Variants in MAML1 observed in about 807,000 individuals in gnomAD.
MAML1 encodes the protein mastermind like transcriptional coactivator 1.
A neutral mutation model predicts 77.1 loss-of-function variants in MAML1; 14 were observed. The ratio of observed to expected loss-of-function variants is 0.18; its 90% confidence interval spans 0.12 to 0.28. MAML1 has a LOEUF of 0.28. Among genes scored for constraint, MAML1 ranks in the 10% least tolerant of loss-of-function variants. The pLI is 1.00. For synonymous variants in MAML1, 516 were observed against 551.9 expected, an observed-to-expected ratio of 0.93 and a Z score of 0.91; for missense variants, 1,217 against 1,327.8, an observed-to-expected ratio of 0.92 and a Z score of 1.30.
At chr5:179,733,637 A>G (rs550625024) in intron 1 of MAML1, among the ~76,000 whole-genome samples, 273 of 152,328 alleles carry the variant, frequency 1.8e-3, no homozygotes, top group South Asian at 0.013. Context: ...CAGCGCCTTG[A>G]GGGCCTTGCA....
intron 1 of MAML1, among the ~76,000 whole-genome samples, chr5:179,752,868 G>A (rs1779522400): frequency 6.6e-6 from 1 of 152,134 alleles, no homozygotes; most frequent in Non-Finnish European, 1.5e-5. Context: ...CCATCTTCCA[G>A]ATTCAAGTGA....
intron 4 of MAML1, among the ~76,000 whole-genome samples, chr5:179,772,555 A>C (rs1013118136): frequency 6.6e-6 from 1 of 152,196 alleles, no homozygotes; most frequent in Non-Finnish European, 1.5e-5. Flanking sequence ...TGCTTAAGCC[A>C]GGAGGCCTAG....
In MAML1 at chr5:179,765,710, T is replaced by C; in HGVS notation, c.700T>C (p.Ser234Pro). 2.5e-6 allele frequency: 4 copies of C among 1,613,904 alleles called. No individual in the cohort carries two copies. Among genetic ancestry groups the C allele is most frequent in the Non-Finnish European group, 3.4e-6 (4 of 1,179,906 alleles). Residue 234 changes from serine (S) to proline (P), a missense_variant, in exon 2 of 5, where the codon TCC becomes CCC. Ser to Pro is a moderately conservative substitution (Grantham distance 74). This residue lies in a region of MAML1 where 312 missense variants were observed against 331.4 expected (regional missense o/e 0.94). Coordinates refer to ENST00000292599, the MANE Select transcript of MAML1 (RefSeq NM_014757.5). ...TTGCATGATCACTGGGACTGTCGGCTCCATATCGCAAAGCAACCTCATGCC... is the reference window on the plus strand; with the variant it reads ...TTGCATGATCACTGGGACTGTCGGCCCCATATCGCAAAGCAACCTCATGCC... ...LPCMITGTVGSISQSNLMPDL... is the reference protein window; with the variant it reads ...LPCMITGTVGPISQSNLMPDL...
chr5:179,750,830 C>T (rs1212529145), intron 1 of MAML1, among the ~76,000 whole-genome samples: 2 of 152,120 alleles, frequency 1.3e-5, no homozygotes, highest in Non-Finnish European at 2.9e-5. Flanking sequence ...GCAAGGATGA[C>T]GATTCCCAGC....
chr5:179,745,830 A>G (rs1186510117), intron 1 of MAML1, among the ~76,000 whole-genome samples: 2 of 131,714 alleles, frequency 1.5e-5, no homozygotes, highest in East Asian at 4.7e-4. Flanking sequence ...ACTGCACTCC[A>G]GCCTGAGCGA....
intron 1 of MAML1, among the ~76,000 whole-genome samples, chr5:179,736,375 C>A (rs892607737): frequency 2.6e-5 from 4 of 152,078 alleles, no homozygotes; most frequent in African/African-American, 9.7e-5. Context: ...GCCTCAGCCC[C>A]CCAAGTAGCT....
intron 1 of MAML1, among the ~76,000 whole-genome samples, chr5:179,744,621 C>T (rs1779346136): frequency 6.6e-6 from 1 of 151,838 alleles, no homozygotes; most frequent in Non-Finnish European, 1.5e-5. Context: ...ACTGCAACCT[C>T]CGCCTCCCGG....
chr5:179,743,939 A>G (rs1779331282), intron 1 of MAML1, among the ~76,000 whole-genome samples: 1 of 152,206 alleles, frequency 6.6e-6, no homozygotes, highest in African/African-American at 2.4e-5. Flanking sequence ...ATTTAAAAAT[A>G]AAATGGTTAC....
At position 179,774,890 on chromosome 5, in the gene MAML1, T is replaced by C. The variant is rs1040949672; in HGVS notation, c.*13T>C. On this transcript the variant is annotated 3_prime_UTR_variant, in exon 5 of 5. Coordinates refer to ENST00000292599, the MANE Select transcript of MAML1 (RefSeq NM_014757.5). ...AGGGTCTCAGTAATGGAAGGATTTG[T>C]AGTGTTTTTAGTGTTCATTCATCCT... 4 of 1,564,912 alleles carry C rather than the reference T, an allele frequency of 2.6e-6. No homozygotes were observed. Among genetic ancestry groups the C allele is most frequent in the Admixed American group, 1.9e-5 (1 of 52,430 alleles).
chr5:179,776,976 C>T lies in MAML1; in HGVS notation c.*2099C>T. 1 of 984,972 alleles carries T rather than the reference C, an allele frequency of 1.0e-6. No individual in the cohort carries two copies. The highest frequency in any genetic ancestry group is 1.2e-6 in the Non-Finnish European group (1 of 829,120). 61.0% of individuals were successfully genotyped at this position (984,972 alleles called of 1,614,324 possible). On this transcript the variant is annotated 3_prime_UTR_variant, in exon 5 of 5. Coordinates refer to ENST00000292599, the MANE Select transcript of MAML1 (RefSeq NM_014757.5). ...CTCAGACTTTTGTTATACACATTTG[C>T]TTTGTGTAAATAAATGTTTACAATT... is the stretch of plus-strand genomic sequence containing the variant.
chr5:179,753,214 T>C (rs865775698), intron 1 of MAML1, among the ~76,000 whole-genome samples: 1 of 130,324 alleles, frequency 7.7e-6, no homozygotes, highest in African/African-American at 3.0e-5. Context: ...TGTGTGTGTG[T>C]GTGTGTGTGC....
intron 2 of MAML1, among the ~76,000 whole-genome samples, chr5:179,768,452 C>T (rs770463972): frequency 5.9e-5 from 9 of 152,220 alleles, no homozygotes; most frequent in Middle Eastern, 3.4e-3. Context: ...AGCGAAACTC[C>T]GTCTGAAAAA....
intron 4 of MAML1, among the ~76,000 whole-genome samples, chr5:179,773,374 A>C (rs1581949781): frequency 1.3e-5 from 2 of 152,348 alleles, no homozygotes; most frequent in East Asian, 3.9e-4. Context: ...CTTTTTCCCC[A>C]AACTGTTAAA....
intron 1 of MAML1, among the ~76,000 whole-genome samples, chr5:179,762,450 G>A (rs192658939): frequency 1.3e-5 from 2 of 152,216 alleles, no homozygotes; most frequent in Admixed American, 1.3e-4. Context: ...TGTCTTGGTG[G>A]AAGGCTGAGC....
intron 1 of MAML1, among the ~76,000 whole-genome samples, chr5:179,754,176 A>G (rs1351655244): frequency 6.6e-6 from 1 of 152,112 alleles, no homozygotes; most frequent in Non-Finnish European, 1.5e-5. Flanking sequence ...CAGATACTCA[A>G]GAGGCTACAA....
chr5:179,776,618 T>C lies in MAML1; in HGVS notation c.*1741T>C. 2 of 985,608 alleles carry C rather than the reference T, an allele frequency of 2.0e-6. No homozygotes were observed. The highest frequency in any genetic ancestry group is 2.4e-6 in the Non-Finnish European group (2 of 829,946). The allele number at this position is 985,608 out of a possible 1,614,324, so 61.1% of individuals were successfully genotyped here. On this transcript the variant is annotated 3_prime_UTR_variant, in exon 5 of 5. Transcript: ENST00000292599. ...TTCCCCAATCTGAAGGGGAAGAGGG[T>C]GACCTCAGCGGCTTTTCTCCCAAAA... is the stretch of plus-strand genomic sequence containing the variant.
rs1037721725 is a variant in MAML1, at chr5:179,732,937, G to A, written c.-176G>A. On this transcript the variant is annotated 5_prime_UTR_variant, in exon 1 of 5. Coordinates refer to ENST00000292599, the MANE Select transcript of MAML1 (RefSeq NM_014757.5). ...GGTAGGCAGCAAGCGCCGGCTGGGG[G>A]TCGGGCCGAGCGGGGCAGGAGGAAA... 28 of 309,104 alleles carry A rather than the reference G, an allele frequency of 9.1e-5. No individual in the cohort carries two copies. The Admixed American group carries it at 1.1e-3, about 12-fold the overall frequency. 19.1% of individuals were successfully genotyped at this position (309,104 alleles called of 1,614,324 possible). A position where few individuals can be genotyped will look rare whatever the true frequency, so the allele number is the denominator to read the frequency against.
chr5:179,743,048 T>A (rs1467096884), intron 1 of MAML1, among the ~76,000 whole-genome samples: 1 of 4,632 alleles, frequency 2.2e-4, no homozygotes, highest in Non-Finnish European at 2.4e-3. Context: ...CCTTCACACT[T>A]TTTTTTTTTT....
Position 179,771,635 on chromosome 5 carries a change from G to C in MAML1, c.2068+392G>C, listed in dbSNP as rs899234096. ...ACTTAATGCACTTGCGTGGCCTTTGGCTTCTTTCTCTCCTCCTGTCTGCTC... is the reference window on the plus strand; with the variant it reads ...ACTTAATGCACTTGCGTGGCCTTTGCCTTCTTTCTCTCCTCCTGTCTGCTC... On this transcript the variant is annotated intron_variant, in intron 4 of 4. Coordinates refer to ENST00000292599, the MANE Select transcript of MAML1 (RefSeq NM_014757.5). The surrounding 1 kb of genome is among the most constrained non-coding windows in gnomAD (Gnocchi z 4.7). Among the ~76,000 whole-genome samples, 30 of 152,192 alleles carry C rather than the reference G, an allele frequency of 2.0e-4. No individual in the cohort carries two copies. The highest frequency in any genetic ancestry group is 7.2e-4 in the African/African-American group (30 of 41,440).
Sources: allele counts gnomAD v4.1 joint callset (sites outside exome capture counted in the v4.1 genomes callset), GRCh38; gene constraint gnomAD v4.1.1; regional missense constraint gnomAD v4.1.1; non-coding constraint Gnocchi (gnomAD v3.1); transcripts MANE v1.5; gene names NCBI Gene and HGNC (gene_info 2026-07-23, HGNC 2026-07-21).